Variants in CBX5 observed in about 807,000 individuals in gnomAD.
The protein encoded by CBX5 is chromobox protein homolog 5.
In CBX5, 7 loss-of-function variants were observed where a neutral mutation model predicts 20.7. The ratio of observed to expected loss-of-function variants is 0.34; its 90% confidence interval spans 0.19 to 0.63. CBX5 has a LOEUF of 0.63. Among genes scored for constraint, CBX5 ranks in the 30% least tolerant of loss-of-function variants. The pLI is 0.75. For missense variants in CBX5, 110 were observed against 224.1 expected (o/e 0.49, Z 3.25); for synonymous variants, 78 against 77.0 (o/e 1.01, Z -0.07).
chr12:54,261,589 C>A lies in CBX5; in HGVS notation c.-42-3897G>T, dbSNP rs555671114. Among the ~76,000 whole-genome samples the A allele has an allele frequency of 3.3e-5, 5 of 152,278 alleles. No individual in the cohort carries two copies. In the South Asian group the frequency reaches 1.0e-3, roughly 32 times the overall value. ...GGATTACAGGCATGAGACACTGCAC[C>A]CGGCCAGAAATTTTTTAATTACAAA... is the stretch of plus-strand genomic sequence containing the variant. On this transcript the variant is annotated intron_variant, in intron 1 of 4. Transcript: ENST00000209875.
intron 2 of CBX5, 124 bp downstream of exon 2, chr12:54,257,390 T>A (rs1305315207): frequency 2.2e-6 from 2 of 910,236 alleles, no homozygotes; most frequent in African/African-American, 3.3e-5. Flanking sequence ...CTGTGTCTTC[T>A]AACTCTTAGG....
intron 3 of CBX5, among the ~76,000 whole-genome samples, chr12:54,246,861 T>C (rs553473669): frequency 6.6e-6 from 1 of 151,206 alleles, no homozygotes; most frequent in South Asian, 2.1e-4. Context: ...CTAATCCCAC[T>C]CACTTGGAAT....
chr12:54,250,596 G>C (rs1423468959), intron 3 of CBX5, among the ~76,000 whole-genome samples: 4 of 149,918 alleles, frequency 2.7e-5, no homozygotes, highest in African/African-American at 4.9e-5. Context: ...ATGAGGTCAG[G>C]AGATCGAGAC....
intron 3 of CBX5, among the ~76,000 whole-genome samples, chr12:54,250,749 G>A (rs2137016076): frequency 1.5e-5 from 2 of 135,712 alleles, no homozygotes; most frequent in South Asian, 4.8e-4. Context: ...AGCTTGCAGT[G>A]AGCCGAGATT....
At chr12:54,276,682 G>A (rs1944071493) in intron 1 of CBX5, 1 of 152,148 alleles carries the variant, frequency 6.6e-6, no homozygotes, top group African/African-American at 2.4e-5. Context: ...AAAACCCTGG[G>A]TCTATAAACA....
intron 4 of CBX5, among the ~76,000 whole-genome samples, chr12:54,242,398 G>A (rs1034956497): frequency 5.9e-5 from 9 of 152,048 alleles, no homozygotes; most frequent in East Asian, 3.9e-4. Context: ...GGTGGCGGGC[G>A]CCTGTAGTCC....
intron 1 of CBX5, 95 bp downstream of exon 1, chr12:54,279,910 TCCC>T (rs1270484455): frequency 1.4e-5 from 2 of 146,284 alleles, no homozygotes; most frequent in African/African-American, 5.1e-5. Flanking sequence ...CCCTTCACTA[TCCC>T]CCCACCCCGC....
chr12:54,274,591 T>C (rs974796650), intron 1 of CBX5, among the ~76,000 whole-genome samples: 9 of 152,158 alleles, frequency 5.9e-5, no homozygotes, highest in African/African-American at 1.2e-4. Flanking sequence ...ACCAGGACAG[T>C]TATTAATTAA....
chr12:54,243,474 T>C (rs1362397729), intron 4 of CBX5, among the ~76,000 whole-genome samples: 1 of 152,098 alleles, frequency 6.6e-6, no homozygotes, highest in Non-Finnish European at 1.5e-5. Flanking sequence ...GGTAGGAGGA[T>C]AACTTGAGCT....
intron 4 of CBX5, among the ~76,000 whole-genome samples, chr12:54,244,167 A>AC (rs1943708771): frequency 7.1e-6 from 1 of 140,100 alleles, no homozygotes; most frequent in African/African-American, 2.6e-5. Flanking sequence ...AAGCCTGGCT[A>AC]TTTTTTTTTT....
intron 2 of CBX5, 167 bp from the exon 3 acceptor site, chr12:54,252,394 G>GAA (rs397737743): frequency 4.3e-4 from 116 of 267,926 alleles, no homozygotes; most frequent in South Asian, 1.0e-3. Context: ...CAGGAAAAAT[G>GAA]AAAAAAAAAA....
rs140498079 is a variant in CBX5 at position 54,248,360 on chromosome 12, A to C, written c.325-2145T>G. Among the ~76,000 whole-genome samples the C allele has an allele frequency of 7.6e-3, 1,158 of 152,270 alleles. 19 individuals are homozygous for C. Among genetic ancestry groups the C allele is most frequent in the African/African-American group, 0.021 (859 of 41,554 alleles). On this transcript the variant is annotated intron_variant, in intron 3 of 4. Coordinates refer to ENST00000209875, the MANE Select transcript of CBX5 (RefSeq NM_012117.3). The stretch of plus-strand genomic sequence containing the variant: ...CCTCTCTAGTGGCAACACACACACA[A>C]AAAAAAGATTTAGAGATGCCCAAAT...
At chr12:54,274,507 C>G (rs911987461) in intron 1 of CBX5, among the ~76,000 whole-genome samples, 2 of 152,016 alleles carry the variant, frequency 1.3e-5, no homozygotes, top group African/African-American at 4.8e-5. Context: ...CAGCTTTAGG[C>G]CCAGTTTCAT....
At chr12:54,271,062 T>C (rs896145437) in intron 1 of CBX5, among the ~76,000 whole-genome samples, 13 of 152,176 alleles carry the variant, frequency 8.5e-5, no homozygotes, top group Admixed American at 2.0e-4. Context: ...TTTAAATTTT[T>C]TTAAAAAACC....
At chr12:54,272,568 C>A (rs1039806531) in intron 1 of CBX5, 70 of 152,260 alleles carry the variant, frequency 4.6e-4, no homozygotes, top group African/African-American at 1.7e-3. Context: ...TCTATTACAT[C>A]CCTTGTAGAA....
chr12:54,245,956 T>C (rs992753391), intron 4 of CBX5, among the ~76,000 whole-genome samples, 159 bp downstream of exon 4: 3 of 152,166 alleles, frequency 2.0e-5, no homozygotes, highest in African/African-American at 7.2e-5. Context: ...TACTCCAGCA[T>C]GGGCAACAAA....
intron 1 of CBX5, among the ~76,000 whole-genome samples, chr12:54,266,801 CTT>C (rs1010646015): frequency 8.5e-5 from 13 of 152,048 alleles, no homozygotes; most frequent in Non-Finnish European, 1.6e-4. Flanking sequence ...TTTTCACCCT[CTT>C]ATTAAAATCC....
At chr12:54,265,106 C>T (rs1474394498) in intron 1 of CBX5, among the ~76,000 whole-genome samples, 2 of 152,170 alleles carry the variant, frequency 1.3e-5, no homozygotes, top group Admixed American at 1.3e-4. Flanking sequence ...TGAGTGGTTG[C>T]AGTTGGCCCA....
intron 1 of CBX5, chr12:54,262,693 G>A (rs981696585): frequency 1.3e-5 from 2 of 152,670 alleles, no homozygotes; most frequent in Non-Finnish European, 2.9e-5. Context: ...GTGACCCGGA[G>A]TATTAGGGTC....
Sources: allele counts gnomAD v4.1 joint callset (sites outside exome capture counted in the v4.1 genomes callset), GRCh38; gene constraint gnomAD v4.1.1; transcripts MANE v1.5; gene names NCBI Gene and HGNC (gene_info 2026-07-23, HGNC 2026-07-21).